The following ACAD9 variants were observed in gnomAD, a reference collection of about 807,000 sequenced individuals.
The protein encoded by ACAD9 is complex I assembly factor ACAD9, mitochondrial.
Under a neutral mutation model 70.2 loss-of-function variants are expected in ACAD9, and 53 were observed. The ratio of observed to expected loss-of-function variants is 0.75; its 90% confidence interval spans 0.61 to 0.95. ACAD9 has a LOEUF of 0.95. Ranked by LOEUF, ACAD9 falls within the 40% of genes least tolerant of loss-of-function variation. The pLI is 0.00. For synonymous variants in ACAD9, 313 were observed against 312.1 expected, an observed-to-expected ratio of 1.00 and a Z score of -0.03; for missense variants, 777 against 802.8, an observed-to-expected ratio of 0.97 and a Z score of 0.39.
At chr3:128,887,848 T>C (rs2107644151) in intron 2 of ACAD9, among the ~76,000 whole-genome samples, 1 of 152,202 alleles carries the variant, frequency 6.6e-6, no homozygotes, top group East Asian at 1.9e-4. Flanking sequence ...ACCTATTTCA[T>C]GTACATTCAA....
chr3:128,902,704 T>G lies in ACAD9; in HGVS notation c.958+76T>G, dbSNP rs1935776697. 6.6e-7 allele frequency: 1 copy of G among 1,510,858 alleles called. No individual in the cohort carries two copies. Among genetic ancestry groups the G allele is most frequent in the Non-Finnish European group, 9.1e-7 (1 of 1,100,532 alleles). The allele number at this position is 1,510,858 out of a possible 1,614,324, so 93.6% of individuals were successfully genotyped here. A position where few individuals can be genotyped will look rare whatever the true frequency, so the allele number is the denominator to read the frequency against. ...GCTCCAACCCTGGAGGCTCTGCCATTCCCCCGGCCCCTTCCAGGCCAGTGC... is the reference window on the plus strand; with the variant it reads ...GCTCCAACCCTGGAGGCTCTGCCATGCCCCCGGCCCCTTCCAGGCCAGTGC... On this transcript the variant is annotated intron_variant, in intron 9 of 17. Transcript: ENST00000308982. This position sits in a 1 kb window ranked among gnomAD's most constrained non-coding sequence, Gnocchi z 4.0.
In ACAD9 at chr3:128,912,908, G is replaced by T. The variant is rs778247964; in HGVS notation, c.*301G>T. On this transcript the variant is annotated 3_prime_UTR_variant, in exon 18 of 18. Coordinates refer to ENST00000308982, the MANE Select transcript of ACAD9 (RefSeq NM_014049.5). ...GAGGAGACACCATAGTGGAAACTGG[G>T]GCTTATGCTGCTGCCTCCAGGGTGT... The T allele has an allele frequency of 1.8e-6, 1 of 564,494 alleles. No individual in the cohort carries two copies. The highest frequency in any genetic ancestry group is 3.4e-6 in the Non-Finnish European group (1 of 292,836). 35.0% of individuals were successfully genotyped at this position (564,494 alleles called of 1,614,324 possible).
intron 2 of ACAD9, 52 bp downstream of exon 2, chr3:128,884,798 G>C (rs140606723): frequency 6.0e-6 from 8 of 1,330,760 alleles, no homozygotes; most frequent in Non-Finnish European, 8.7e-6. Flanking sequence ...GGGCTATTTG[G>C]TTGATATTTA....
chr3:128,887,409 C>G (rs1306635456), intron 2 of ACAD9, among the ~76,000 whole-genome samples: 2 of 151,840 alleles, frequency 1.3e-5, no homozygotes, highest in Non-Finnish European at 2.9e-5. Context: ...AGTTTGAGAC[C>G]AGCCTAGGCA....
At chr3:128,907,769 C>T (rs1209339923) in intron 12 of ACAD9, among the ~76,000 whole-genome samples, 1 of 152,212 alleles carries the variant, frequency 6.6e-6, no homozygotes, top group East Asian at 1.9e-4. Context: ...TGAGGAGGTT[C>T]TAGCTGCCAC....
chr3:128,880,022 G>T, intron 1 of ACAD9, 181 bp downstream of exon 1: 1 of 1,543,892 alleles, frequency 6.5e-7, no homozygotes. Context: ...GAAAGGGTGA[G>T]ACATTTCCAA....
chr3:128,893,425 C>A, intron 2 of ACAD9, 130 bp from the exon 3 acceptor site: 2 of 745,648 alleles, frequency 2.7e-6, no homozygotes, highest in South Asian at 1.7e-5. Flanking sequence ...ACCATGACTA[C>A]AGAATTTCTA....
At chr3:128,912,450 TG>T in intron 17 of ACAD9, 56 bp from the exon 18 acceptor site, 1 of 1,516,160 alleles carries the variant, frequency 6.6e-7, no homozygotes, top group South Asian at 1.1e-5. Flanking sequence ...ACTTCAGCCA[TG>T]TTTGTCTTAT....
Position 128,910,123 on chromosome 3 carries a change from A to G in ACAD9, c.1666A>G (p.Ile556Val), listed in dbSNP as rs374356084. The G allele has an allele frequency of 4.2e-5, 67 of 1,614,022 alleles. No individual in the cohort carries two copies. In the African/African-American group the frequency reaches 7.9e-4, roughly 19 times the overall value. The part of the protein sequence containing the change: ...VLSRASRSIR[I>V]GLRNHDHEVL... ...GTCGCGGGCCAGCCGCTCCATCCGC[A>G]TTGGGCTCCGCAACCACGACCACGA... Residue 556 changes from isoleucine (I) to valine (V), a missense_variant, in exon 16 of 18, where the codon ATT becomes GTT. Ile to Val is a conservative substitution (Grantham distance 29). Coordinates refer to ENST00000308982, the MANE Select transcript of ACAD9 (RefSeq NM_014049.5).
At chr3:128,901,007 C>G (rs557636754) in intron 7 of ACAD9, among the ~76,000 whole-genome samples, 1 of 152,214 alleles carries the variant, frequency 6.6e-6, no homozygotes, top group Non-Finnish European at 1.5e-5. Flanking sequence ...TATTATCCAC[C>G]CCCTTGCCAA....
At chr3:128,883,092 GT>G (rs1188672190) in intron 1 of ACAD9, among the ~76,000 whole-genome samples, 10 of 135,570 alleles carry the variant, frequency 7.4e-5, no homozygotes, top group South Asian at 4.7e-4. Flanking sequence ...TTTTTTTCTT[GT>G]TTTTTTTTTC....
chr3:128,908,971 AG>A lies in ACAD9; in HGVS notation c.1359-1del. The A allele has an allele frequency of 6.2e-7, 1 of 1,614,088 alleles. No individual in the cohort carries two copies. Among genetic ancestry groups the A allele is most frequent in the Non-Finnish European group, 8.5e-7 (1 of 1,180,014 alleles). The stretch of plus-strand genomic sequence containing the variant: ...AGTCACAGGACCATGGACTTTCTGC[AG>A]TGAGCTTAAACAGGCCAAAGTGAGC... On this transcript the variant is annotated splice_acceptor_variant, in intron 13 of 17. Coordinates refer to ENST00000308982, the MANE Select transcript of ACAD9 (RefSeq NM_014049.5). LOFTEE classifies it high-confidence loss of function.
chr3:128,900,682 G>A (rs974394402), intron 7 of ACAD9, among the ~76,000 whole-genome samples: 3 of 152,112 alleles, frequency 2.0e-5, no homozygotes, highest in Admixed American at 1.3e-4. Context: ...ACACATTTAA[G>A]GTCTCTGTTC....
intron 7 of ACAD9, 87 bp downstream of exon 7, chr3:128,899,548 G>C (rs557633740): frequency 1.8e-5 from 26 of 1,427,718 alleles, no homozygotes; most frequent in Middle Eastern, 2.2e-4. Flanking sequence ...GTGTGTGTGT[G>C]TGTGTGTGTG....
At position 128,912,713 on chromosome 3, in the gene ACAD9, C is replaced by G. The variant is rs1401827025; in HGVS notation, c.*106C>G. 2 of 1,078,996 alleles carry G rather than the reference C, an allele frequency of 1.9e-6. No homozygotes were observed. Among genetic ancestry groups the G allele is most frequent in the Non-Finnish European group, 2.9e-6 (2 of 700,378 alleles). 66.8% of individuals were successfully genotyped at this position (1,078,996 alleles called of 1,614,324 possible). ...GTGTTGGGATTATCACAGGTTAAGC[C>G]TTTTGTTCCCCGTCTGCACCTGAAG... On this transcript the variant is annotated 3_prime_UTR_variant, in exon 18 of 18. Transcript: ENST00000308982.
intron 12 of ACAD9, among the ~76,000 whole-genome samples, chr3:128,907,479 T>TGTCTGGAGCCTGTCCAG (rs1228557583): frequency 1.3e-5 from 2 of 152,110 alleles, no homozygotes; most frequent in Non-Finnish European, 2.9e-5. Flanking sequence ...GGGTGAGAGC[T>TGTCTGGAGCCTGTCCAG]CCTGTCTGGA....
At chr3:128,899,499 G>A (rs775341747) in intron 7 of ACAD9, 38 bp downstream of exon 7, 3 of 1,603,302 alleles carry the variant, frequency 1.9e-6, no homozygotes, top group Non-Finnish European at 2.6e-6. Context: ...GTGTGTGTGT[G>A]TAAGGGGGAG....
chr3:128,879,706 G>A lies in ACAD9; in HGVS notation c.15G>A (p.Gly5=). MSGC[G]LFLRTTAAAR... ...CATCGGGCAGCATGAGCGGCTGCGG[G>A]CTCTTCCTGCGCACCACGGCTGCGG... is the stretch of plus-strand genomic sequence containing the variant. Residue 5 remains glycine (G), a synonymous_variant, in exon 1 of 18, where the codon GGG becomes GGA. Coordinates refer to ENST00000308982, the MANE Select transcript of ACAD9 (RefSeq NM_014049.5). 4 of 1,612,692 alleles carry A rather than the reference G, an allele frequency of 2.5e-6. No homozygotes were observed. Among genetic ancestry groups the A allele is most frequent in the Non-Finnish European group, 2.5e-6 (3 of 1,179,906 alleles).
At chr3:128,880,369 G>C (rs1304254530) in intron 1 of ACAD9, among the ~76,000 whole-genome samples, 1 of 152,188 alleles carries the variant, frequency 6.6e-6, no homozygotes, top group Non-Finnish European at 1.5e-5. Context: ...TGTCTTCTTA[G>C]AGTTGGAAGA....
Sources: gnomAD v4.1 joint callset for allele counts (sites outside exome capture counted in the v4.1 genomes callset) on GRCh38, gnomAD v4.1.1 for gene constraint, Gnocchi (gnomAD v3.1) non-coding constraint, MANE v1.5 for transcripts, NCBI Gene and HGNC (gene_info 2026-07-23, HGNC 2026-07-21) for gene names.